DYRK1A: variants seen among roughly 807,000 people sequenced by gnomAD.
DYRK1A encodes the protein dual specificity tyrosine phosphorylation regulated kinase 1A.
In DYRK1A, 9 loss-of-function variants were observed where a neutral mutation model predicts 79.7. That is an observed-to-expected ratio of 0.11 (90% confidence interval 0.07 to 0.20). DYRK1A has a LOEUF of 0.20. DYRK1A is among the 10% of genes least tolerant of loss of function. The probability of loss-of-function intolerance (pLI) is 1.00; values close to 1 mark genes in which losing one functional copy is unlikely to be tolerated. For missense variants in DYRK1A, 622 were observed against 956.0 expected (o/e 0.65, Z 4.61); for synonymous variants, 349 against 329.7 (o/e 1.06, Z -0.63).
At chr21:37,376,305 C>T (rs559273601) in intron 1 of DYRK1A, among the ~76,000 whole-genome samples, 11 of 152,062 alleles carry the variant, frequency 7.2e-5, no homozygotes, top group African/African-American at 2.4e-4. Flanking sequence ...GTCAGGAGTT[C>T]GAGACCAGCC....
chr21:37,416,777 G>A (rs2050350190), intron 1 of DYRK1A, among the ~76,000 whole-genome samples: 1 of 151,080 alleles, frequency 6.6e-6, no homozygotes, highest in Non-Finnish European at 1.5e-5. Context: ...CATCTTCTGA[G>A]TTATCTTTTT....
At chr21:37,394,821 C>G (rs1025935196) in intron 1 of DYRK1A, among the ~76,000 whole-genome samples, 1 of 152,118 alleles carries the variant, frequency 6.6e-6, no homozygotes, top group African/African-American at 2.4e-5. Context: ...CCACGTTGCA[C>G]CTAAAGTAGC....
At chr21:37,393,535 A>G (rs187555787) in intron 1 of DYRK1A, among the ~76,000 whole-genome samples, 108 of 152,374 alleles carry the variant, frequency 7.1e-4, no homozygotes, top group African/African-American at 2.3e-3. Context: ...GTCACAATGT[A>G]CAAGCCTCTT....
At chr21:37,370,016 C>T (rs938782329) in intron 1 of DYRK1A, among the ~76,000 whole-genome samples, 32 of 152,060 alleles carry the variant, frequency 2.1e-4, no homozygotes, top group Admixed American at 2.0e-4. Context: ...TTTTTTTTCC[C>T]CTCCAAAATA....
chr21:37,481,060 A>G (rs912526074), intron 5 of DYRK1A: 21 of 422,060 alleles, frequency 5.0e-5, no homozygotes, highest in Admixed American at 2.5e-4. Flanking sequence ...CATTTTACTA[A>G]TGACTGGTGA....
intron 2 of DYRK1A, among the ~76,000 whole-genome samples, chr21:37,440,482 T>C (rs1170716799): frequency 3.3e-5 from 5 of 152,164 alleles, no homozygotes; most frequent in African/African-American, 4.8e-5. Context: ...GCAGAAGCCA[T>C]TGATTTAAGA....
At chr21:37,403,615 C>T (rs1448683974) in intron 1 of DYRK1A, among the ~76,000 whole-genome samples, 2 of 145,528 alleles carry the variant, frequency 1.4e-5, no homozygotes, top group Non-Finnish European at 3.0e-5. Context: ...ACAGGTGTGC[C>T]CCACTATGCT....
rs556741959 is a variant in DYRK1A, at chr21:37,426,791, G to T, written c.10+6407G>T. ...AAAAATAAGCCAGGTTTGGTGGCGGGCACCTTTAGTCCCAGCTACTTGGGA... is the reference window on the plus strand; with the variant it reads ...AAAAATAAGCCAGGTTTGGTGGCGGTCACCTTTAGTCCCAGCTACTTGGGA... On this transcript the variant is annotated intron_variant, in intron 2 of 11. Coordinates refer to ENST00000647188, the MANE Select transcript of DYRK1A (RefSeq NM_001347721.2). 8.6e-3 allele frequency among the ~76,000 whole-genome samples: 1,288 copies of T among 149,952 alleles called. 21 individuals are homozygous for T. Among genetic ancestry groups the T allele is most frequent in the African/African-American group, 0.03 (1,233 of 40,922 alleles).
At chr21:37,457,374 C>T (rs895934325) in intron 2 of DYRK1A, among the ~76,000 whole-genome samples, 47 of 152,160 alleles carry the variant, frequency 3.1e-4, no homozygotes, top group Admixed American at 2.2e-3. Context: ...AGACCACAGG[C>T]GTGTACCACC....
rs2053897799 is a variant in DYRK1A, at chr21:37,517,965, C to T, written c.*5434C>T. On this transcript the variant is annotated 3_prime_UTR_variant, in exon 12 of 12. Coordinates refer to ENST00000647188, the MANE Select transcript of DYRK1A (RefSeq NM_001347721.2). Reference sequence around the variant, plus strand: ...CTGGAGTTTGGTGGTGTGATTGCAGCTCACTGCAGCCTTAAACAACTGGGC... The same window carrying T: ...CTGGAGTTTGGTGGTGTGATTGCAGTTCACTGCAGCCTTAAACAACTGGGC... 6.6e-6 allele frequency: 1 copy of T among 152,176 alleles called. No individual in the cohort carries two copies. The highest frequency in any genetic ancestry group is 6.5e-5 in the Admixed American group (1 of 15,284). 9.4% of individuals were successfully genotyped at this position (152,176 alleles called of 1,614,324 possible).
At chr21:37,398,744 C>G (rs556448454) in intron 1 of DYRK1A, among the ~76,000 whole-genome samples, 2 of 152,130 alleles carry the variant, frequency 1.3e-5, no homozygotes, top group Non-Finnish European at 2.9e-5. Flanking sequence ...GACTTAAAAA[C>G]TATTCATTAT....
chr21:37,481,971 CCA>C, intron 5 of DYRK1A, among the ~76,000 whole-genome samples: 1 of 152,244 alleles, frequency 6.6e-6, no homozygotes, highest in African/African-American at 2.4e-5. Flanking sequence ...GCTGATAATC[CCA>C]GTCTCCTCTG....
chr21:37,507,165 T>G (rs962078967), intron 11 of DYRK1A, among the ~76,000 whole-genome samples: 1 of 152,246 alleles, frequency 6.6e-6, no homozygotes, highest in Non-Finnish European at 1.5e-5. Flanking sequence ...GAATACATGA[T>G]CCTGCCTATG....
intron 2 of DYRK1A, among the ~76,000 whole-genome samples, chr21:37,423,075 C>T (rs1020880253): frequency 2.6e-5 from 4 of 152,006 alleles, no homozygotes; most frequent in African/African-American, 9.7e-5. Flanking sequence ...TACAAGGATC[C>T]CTGAGCTTAT....
intron 1 of DYRK1A, among the ~76,000 whole-genome samples, chr21:37,383,125 C>A (rs1234076317): frequency 6.6e-6 from 1 of 152,186 alleles, no homozygotes; most frequent in African/African-American, 2.4e-5. Flanking sequence ...GCAGTGCTTG[C>A]CTACCTCAGA....
intron 1 of DYRK1A, among the ~76,000 whole-genome samples, chr21:37,415,303 A>G (rs1259767771): frequency 6.6e-6 from 1 of 152,156 alleles, no homozygotes; most frequent in African/African-American, 2.4e-5. Flanking sequence ...TTTAACACAA[A>G]TTTCAGCTAT....
intron 11 of DYRK1A, among the ~76,000 whole-genome samples, chr21:37,507,359 G>C (rs1201026458): frequency 6.6e-6 from 1 of 152,042 alleles, no homozygotes; most frequent in African/African-American, 2.4e-5. Flanking sequence ...CTGTTGATCA[G>C]CATTTCCTCA....
intron 1 of DYRK1A, among the ~76,000 whole-genome samples, chr21:37,389,925 GT>G (rs113974002): frequency 3.3e-3 from 441 of 134,986 alleles, no homozygotes; most frequent in African/African-American, 5.5e-3. Flanking sequence ...TTTGTTTTTT[GT>G]TTTTTTTTTT....
intron 1 of DYRK1A, among the ~76,000 whole-genome samples, chr21:37,387,687 C>G (rs2049787231): frequency 6.6e-6 from 1 of 152,122 alleles, no homozygotes; most frequent in African/African-American, 2.4e-5. Flanking sequence ...CTGTTTTTAT[C>G]CTTCGTTTTA....
Sources: gnomAD v4.1 joint callset for allele counts (sites outside exome capture counted in the v4.1 genomes callset) on GRCh38, gnomAD v4.1.1 for gene constraint, MANE v1.5 for transcripts, NCBI Gene and HGNC (gene_info 2026-07-23, HGNC 2026-07-21) for gene names.